The following GRID2 variants were observed in gnomAD, a reference collection of about 807,000 sequenced individuals.
GRID2 encodes glutamate receptor ionotropic, delta-2.
A neutral mutation model predicts 114.8 loss-of-function variants in GRID2; 33 were observed. The ratio of observed to expected loss-of-function variants is 0.29; its 90% CI spans 0.22 to 0.38. The LOEUF is 0.38. Ranked by LOEUF, GRID2 falls within the 10% of genes least tolerant of loss-of-function variation. GRID2 has a pLI of 1.00. For synonymous variants in GRID2, 505 were observed against 449.9 expected, an observed-to-expected ratio of 1.12 and a Z score of -1.55; for missense variants, 1,184 against 1,257.7, an observed-to-expected ratio of 0.94 and a Z score of 0.89.
Position 92,415,242 on chromosome 4 carries a change from T to C in GRID2, c.88+110498T>C, listed in dbSNP as rs548208773. On this transcript the variant is annotated intron_variant, in intron 1 of 15. Transcript: ENST00000282020. ...CCATAATTTACCACTGACAGATTAC[T>C]TTTATATGTATTATCTTCTGTAGAG... is the stretch of plus-strand genomic sequence containing the variant. 2.4e-3 allele frequency among the ~76,000 whole-genome samples: 361 copies of C among 152,250 alleles called. 3 individuals are homozygous for C. Among genetic ancestry groups the C allele is most frequent in the African/African-American group, 8.4e-3 (351 of 41,558 alleles).
chr4:93,371,928 A>C (rs1043481283), intron 8 of GRID2, among the ~76,000 whole-genome samples: 1 of 151,560 alleles, frequency 6.6e-6, no homozygotes, highest in Non-Finnish European at 1.5e-5. Flanking sequence ...TTGTATTCTT[A>C]GTAGAGACGG....
chr4:92,384,201 A>G (rs1183549770), intron 1 of GRID2, among the ~76,000 whole-genome samples: 1 of 150,530 alleles, frequency 6.6e-6, no homozygotes, highest in African/African-American at 2.4e-5. Context: ...ATGTAACTCT[A>G]CTAGGACTTT....
At chr4:93,670,499 C>A (rs1202326728) in intron 14 of GRID2, among the ~76,000 whole-genome samples, 3 of 152,078 alleles carry the variant, frequency 2.0e-5, no homozygotes, top group Admixed American at 1.3e-4. Context: ...ATTTATAAGC[C>A]TAGATTTAGA....
chr4:93,163,029 A>G (rs1737833480), intron 4 of GRID2, among the ~76,000 whole-genome samples: 1 of 151,960 alleles, frequency 6.6e-6, no homozygotes, highest in African/African-American at 2.4e-5. Flanking sequence ...CATTTACTTT[A>G]AAACACACAT....
At chr4:92,720,607 A>T (rs1272577893) in intron 2 of GRID2, among the ~76,000 whole-genome samples, 2 of 152,152 alleles carry the variant, frequency 1.3e-5, no homozygotes, top group African/African-American at 2.4e-5. Context: ...CCATGTGATT[A>T]TTAACAAAGT....
At chr4:93,711,899 T>C (rs1249561178) in intron 14 of GRID2, among the ~76,000 whole-genome samples, 1 of 152,204 alleles carries the variant, frequency 6.6e-6, no homozygotes, top group Non-Finnish European at 1.5e-5. Context: ...GAAGCTGTTT[T>C]CTTGTGTGGA....
intron 14 of GRID2, among the ~76,000 whole-genome samples, chr4:93,758,276 C>G (rs1283577344): frequency 6.6e-6 from 1 of 152,146 alleles, no homozygotes; most frequent in East Asian, 1.9e-4. Context: ...GTTATTTTCC[C>G]ACAGTTGTAC....
intron 2 of GRID2, among the ~76,000 whole-genome samples, chr4:92,673,840 G>A (rs528307625): frequency 6.6e-6 from 1 of 152,052 alleles, no homozygotes; most frequent in Non-Finnish European, 1.5e-5. Flanking sequence ...GGGAGGAAGG[G>A]GGGAGGGATA....
intron 13 of GRID2, among the ~76,000 whole-genome samples, chr4:93,596,056 G>C (rs1057323820): frequency 1.2e-4 from 19 of 152,230 alleles, no homozygotes; most frequent in African/African-American, 4.6e-4. Context: ...GGCAGAACTG[G>C]GTTCGAAATG....
intron 1 of GRID2, among the ~76,000 whole-genome samples, chr4:92,501,676 T>G (rs553494656): frequency 6.6e-6 from 1 of 152,288 alleles, no homozygotes; most frequent in African/African-American, 2.4e-5. Flanking sequence ...CCTTACCCTG[T>G]ATGACCTGGT....
At chr4:93,691,490 C>T (rs180920954) in intron 14 of GRID2, among the ~76,000 whole-genome samples, 85 of 152,102 alleles carry the variant, frequency 5.6e-4, no homozygotes, top group Non-Finnish European at 7.2e-4. Flanking sequence ...TATGGGCAGA[C>T]CTGAGTTCAA....
intron 2 of GRID2, among the ~76,000 whole-genome samples, chr4:92,654,444 G>A (rs1732125594): frequency 6.6e-6 from 1 of 152,002 alleles, no homozygotes; most frequent in Admixed American, 6.6e-5. Flanking sequence ...CCCATACACT[G>A]AAGATTTCAA....
At chr4:92,623,333 T>C (rs986865793) in intron 2 of GRID2, among the ~76,000 whole-genome samples, 2 of 150,882 alleles carry the variant, frequency 1.3e-5, no homozygotes, top group Non-Finnish European at 3.0e-5. Flanking sequence ...TTATCCTCAG[T>C]GTAACCCTGC....
At chr4:92,665,051 ATCT>A (rs994446593) in intron 2 of GRID2, among the ~76,000 whole-genome samples, 3 of 149,722 alleles carry the variant, frequency 2.0e-5, no homozygotes, top group African/African-American at 4.9e-5. Flanking sequence ...GATAAGGAAA[ATCT>A]TCTGTCATTT....
At chr4:92,591,865 A>G (rs1372819243) in intron 2 of GRID2, among the ~76,000 whole-genome samples, 1 of 151,686 alleles carries the variant, frequency 6.6e-6, no homozygotes, top group Non-Finnish European at 1.5e-5. Context: ...TAATGTTTAT[A>G]ATAATACAAT....
At chr4:93,694,662 CAA>C (rs1560914729) in intron 14 of GRID2, among the ~76,000 whole-genome samples, 1 of 152,148 alleles carries the variant, frequency 6.6e-6, no homozygotes. Flanking sequence ...ATTATGGAAT[CAA>C]AATTTTTCTT....
rs550526138 is a variant in GRID2 at position 92,900,637 on chromosome 4, T to C, written c.245-184358T>C. Among the ~76,000 whole-genome samples the C allele has an allele frequency of 3.8e-3, 576 of 152,230 alleles. 1 individual carries two copies. Among genetic ancestry groups the C allele is most frequent in the Non-Finnish European group, 5.9e-3 (399 of 68,004 alleles). On this transcript the variant is annotated intron_variant, in intron 2 of 15. Coordinates refer to ENST00000282020, the MANE Select transcript of GRID2 (RefSeq NM_001510.4). ...TGAGGTCAGGAGATCGAGACCATCCTGGCTAACACGGTGAAACCCTATCTC... is the reference window on the plus strand; with the variant it reads ...TGAGGTCAGGAGATCGAGACCATCCCGGCTAACACGGTGAAACCCTATCTC...
intron 2 of GRID2, among the ~76,000 whole-genome samples, chr4:92,693,731 A>G (rs959403139): frequency 1.3e-5 from 2 of 152,352 alleles, no homozygotes; most frequent in African/African-American, 4.8e-5. Context: ...GAAGAGAGAA[A>G]ATGGTGCTTA....
intron 1 of GRID2, among the ~76,000 whole-genome samples, chr4:92,475,254 T>C (rs1722248183): frequency 6.6e-6 from 1 of 151,834 alleles, no homozygotes; most frequent in Non-Finnish European, 1.5e-5. Context: ...CCAAGATCAA[T>C]GTCATAGAAC....
Sources: allele counts gnomAD v4.1 joint callset (sites outside exome capture counted in the v4.1 genomes callset), GRCh38; gene constraint gnomAD v4.1.1; transcripts MANE v1.5; gene names NCBI Gene and HGNC (gene_info 2026-07-23, HGNC 2026-07-21).